Variants in AGFG1 observed in about 807,000 individuals in gnomAD.
The protein encoded by AGFG1 is arf-GAP domain and FG repeat-containing protein 1.
A neutral mutation model predicts 60.6 loss-of-function variants in AGFG1; 10 were observed. The observed-to-expected ratio is 0.16, with a 90% CI of 0.10 to 0.28. The LOEUF is 0.28. AGFG1 is among the 10% of genes least tolerant of loss of function. AGFG1 has a pLI of 1.00. For synonymous variants in AGFG1, 247 were observed against 242.9 expected, an observed-to-expected ratio of 1.02 and a Z score of -0.16; for missense variants, 537 against 676.5, an observed-to-expected ratio of 0.79 and a Z score of 2.29.
intron 5 of AGFG1, among the ~76,000 whole-genome samples, chr2:227,527,149 A>G (rs768553022): frequency 1.3e-5 from 2 of 152,204 alleles, no homozygotes; most frequent in Non-Finnish European, 2.9e-5. Context: ...TGGAGTTGGG[A>G]CAACCTGGGT....
intron 2 of AGFG1, among the ~76,000 whole-genome samples, chr2:227,517,456 G>A (rs1030733030): frequency 6.6e-6 from 1 of 152,152 alleles, no homozygotes; most frequent in South Asian, 2.1e-4. Context: ...ATTTTTAGTA[G>A]AGGTGGGGTT....
At chr2:227,547,992 A>G (rs1692704643) in intron 10 of AGFG1, among the ~76,000 whole-genome samples, 1 of 152,276 alleles carries the variant, frequency 6.6e-6, no homozygotes, top group South Asian at 2.1e-4. Flanking sequence ...TACAATGACA[A>G]ATTACTTGAT....
intron 6 of AGFG1, among the ~76,000 whole-genome samples, chr2:227,533,086 C>T (rs1008972655): frequency 6.6e-6 from 1 of 152,128 alleles, no homozygotes; most frequent in Non-Finnish European, 1.5e-5. Flanking sequence ...TTTTGGATCA[C>T]CGTAACACAT....
rs990464087 is a variant in AGFG1 at position 227,555,858 on chromosome 2, G to A, written c.*1363G>A. The A allele has an allele frequency of 6.6e-6, 1 of 152,138 alleles. No homozygotes were observed. The highest frequency in any genetic ancestry group is 1.5e-5 in the Non-Finnish European group (1 of 68,020). The allele number at this position is 152,138 out of a possible 1,614,324, so 9.4% of individuals were successfully genotyped here. Reference sequence around the variant, plus strand: ...GCAACCCATATAAGTCACAAAGTCTGTGTGTTAGAGCTTATGCATTTGTTT... The same window carrying A: ...GCAACCCATATAAGTCACAAAGTCTATGTGTTAGAGCTTATGCATTTGTTT... On this transcript the variant is annotated 3_prime_UTR_variant, in exon 13 of 13. Coordinates refer to ENST00000310078, the MANE Select transcript of AGFG1 (RefSeq NM_004504.5).
At chr2:227,530,756 C>T (rs148111675) in intron 5 of AGFG1, among the ~76,000 whole-genome samples, 2 of 152,186 alleles carry the variant, frequency 1.3e-5, no homozygotes, top group African/African-American at 4.8e-5. Flanking sequence ...TGTCTGCTTT[C>T]CTATAACTCA....
intron 10 of AGFG1, among the ~76,000 whole-genome samples, chr2:227,542,186 T>A (rs988532572): frequency 1.4e-4 from 21 of 152,312 alleles, no homozygotes; most frequent in African/African-American, 5.1e-4. Context: ...GGCCAGAAGT[T>A]CCAACACTAT....
At chr2:227,488,017 A>G (rs891810600) in intron 1 of AGFG1, among the ~76,000 whole-genome samples, 2 of 152,266 alleles carry the variant, frequency 1.3e-5, no homozygotes, top group Non-Finnish European at 2.9e-5. Flanking sequence ...TGCTTACTCA[A>G]TTTATGTAAT....
intron 1 of AGFG1, among the ~76,000 whole-genome samples, chr2:227,486,933 A>G (rs755361931): frequency 1.3e-5 from 2 of 152,208 alleles, no homozygotes; most frequent in Non-Finnish European, 2.9e-5. Context: ...TCAACATCGT[A>G]CAATGCATAG....
intron 8 of AGFG1, among the ~76,000 whole-genome samples, chr2:227,536,334 A>G (rs917457248): frequency 2.0e-5 from 3 of 152,158 alleles, no homozygotes; most frequent in Non-Finnish European, 2.9e-5. Flanking sequence ...GTGTTTTAAC[A>G]TGAATATTAA....
At chr2:227,491,686 G>A (rs1486277274) in intron 2 of AGFG1, 46 bp downstream of exon 2, 4 of 1,215,256 alleles carry the variant, frequency 3.3e-6, no homozygotes, top group Admixed American at 2.4e-5. Context: ...TTTTTTGTTG[G>A]CAGTCATTTT....
At chr2:227,528,486 C>T (rs1692062656) in intron 5 of AGFG1, among the ~76,000 whole-genome samples, 1 of 152,138 alleles carries the variant, frequency 6.6e-6, no homozygotes, top group South Asian at 2.1e-4. Flanking sequence ...TCTTTTTTCA[C>T]CTCTTGCGTT....
At chr2:227,485,243 C>CTT (rs71036201) in intron 1 of AGFG1, among the ~76,000 whole-genome samples, 4 of 110,570 alleles carry the variant, frequency 3.6e-5, no homozygotes, top group South Asian at 3.2e-4. Context: ...CGAATCGTTT[C>CTT]TTTTTTTTTT....
chr2:227,524,482 C>G (rs1691925175), intron 4 of AGFG1, among the ~76,000 whole-genome samples: 1 of 152,162 alleles, frequency 6.6e-6, no homozygotes, highest in African/African-American at 2.4e-5. Context: ...GGGGCTGTGA[C>G]AGATCTGTTA....
At chr2:227,488,698 A>G (rs1376058489) in intron 1 of AGFG1, among the ~76,000 whole-genome samples, 1 of 152,142 alleles carries the variant, frequency 6.6e-6, no homozygotes, top group African/African-American at 2.4e-5. Flanking sequence ...AAATGATTAA[A>G]CCCTCCCTGA....
chr2:227,538,349 T>TG (rs1315071024), intron 10 of AGFG1, among the ~76,000 whole-genome samples: 1 of 152,248 alleles, frequency 6.6e-6, no homozygotes, highest in Non-Finnish European at 1.5e-5. Context: ...TATAGTTACT[T>TG]GCAGGTTGAC....
At chr2:227,506,501 G>T in intron 2 of AGFG1, among the ~76,000 whole-genome samples, 1 of 138,934 alleles carries the variant, frequency 7.2e-6, no homozygotes. Flanking sequence ...TTTAAGGCTT[G>T]TGTATTTCTG....
intron 10 of AGFG1, among the ~76,000 whole-genome samples, chr2:227,537,612 T>G (rs1337649518): frequency 6.6e-6 from 1 of 152,228 alleles, no homozygotes; most frequent in Non-Finnish European, 1.5e-5. Context: ...CTGTAAGCCA[T>G]TCACATCTTT....
At chr2:227,549,656 C>G (rs1269147663) in intron 10 of AGFG1, among the ~76,000 whole-genome samples, 1 of 152,154 alleles carries the variant, frequency 6.6e-6, no homozygotes, top group Non-Finnish European at 1.5e-5. Context: ...CACTCTCTCC[C>G]AAGACTTGGT....
At chr2:227,552,710 C>G (rs1692856948) in intron 11 of AGFG1, among the ~76,000 whole-genome samples, 1 of 142,286 alleles carries the variant, frequency 7.0e-6, no homozygotes, top group South Asian at 2.3e-4. Context: ...ATTTAAAAAT[C>G]TGAAATATGG....
Sources: gnomAD v4.1 joint callset for allele counts (sites outside exome capture counted in the v4.1 genomes callset) on GRCh38, gnomAD v4.1.1 for gene constraint, MANE v1.5 for transcripts, NCBI Gene and HGNC (gene_info 2026-07-23, HGNC 2026-07-21) for gene names.